MIPEP: variants seen among roughly 807,000 people sequenced by gnomAD.
The protein encoded by MIPEP is mitochondrial intermediate peptidase.
A neutral mutation model predicts 90.3 loss-of-function variants in MIPEP; 79 were observed. The ratio of observed to expected loss-of-function variants is 0.87; its 90% CI spans 0.73 to 1.05. MIPEP has a LOEUF of 1.05. MIPEP is among the 50% of genes least tolerant of loss of function. The pLI, the probability that MIPEP is intolerant of heterozygous loss-of-function variation, is 0.00. For synonymous variants in MIPEP, 334 were observed against 315.8 expected (o/e 1.06, Z -0.61); for missense variants, 940 against 905.6 (o/e 1.04, Z -0.49).
intron 16 of MIPEP, among the ~76,000 whole-genome samples, chr13:23,799,630 A>G (rs1953011191): frequency 6.6e-6 from 1 of 152,210 alleles, no homozygotes; most frequent in Non-Finnish European, 1.5e-5. Context: ...CCGGCCTAGG[A>G]TAATTTTTAA....
chr13:23,800,654 C>T (rs1480479059), intron 16 of MIPEP, among the ~76,000 whole-genome samples: 2 of 152,172 alleles, frequency 1.3e-5, no homozygotes, highest in Non-Finnish European at 2.9e-5. Context: ...CACTAGAAGG[C>T]TATTTATTGA....
At chr13:23,738,614 GTT>G (rs67929968) in intron 18 of MIPEP, among the ~76,000 whole-genome samples, 2 of 143,138 alleles carry the variant, frequency 1.4e-5, no homozygotes, top group Admixed American at 7.0e-5. Context: ...CGCCCAGCTA[GTT>G]TTTTTTTTTT....
intron 16 of MIPEP, among the ~76,000 whole-genome samples, chr13:23,804,260 G>C (rs548894260): frequency 1.4e-4 from 21 of 152,318 alleles, no homozygotes; most frequent in African/African-American, 4.8e-4. Context: ...CAGTCAAACT[G>C]AAGTTTTGTA....
At chr13:23,801,952 T>C (rs1253243538) in intron 16 of MIPEP, among the ~76,000 whole-genome samples, 1 of 152,142 alleles carries the variant, frequency 6.6e-6, no homozygotes, top group African/African-American at 2.4e-5. Context: ...GTAGAGAAAG[T>C]AAAACATTTT....
rs547105523 is a variant in MIPEP, at chr13:23,841,010, C to T, written c.1260+325G>A. Reference sequence around the variant, plus strand: ...CAATGGATTTGGGAATTAACCAAAACGGACACACAGCTATGAAGGTATATA... The same window carrying T: ...CAATGGATTTGGGAATTAACCAAAATGGACACACAGCTATGAAGGTATATA... On this transcript the variant is annotated intron_variant, in intron 11 of 18. Transcript: ENST00000382172. Among the ~76,000 whole-genome samples, 6 of 152,210 alleles carry T rather than the reference C, an allele frequency of 3.9e-5. 1 individual carries two copies. The highest frequency in any genetic ancestry group is 6.8e-3 in the Middle Eastern group (2 of 294).
intron 16 of MIPEP, among the ~76,000 whole-genome samples, chr13:23,790,965 C>T (rs1443178296): frequency 1.3e-5 from 2 of 152,040 alleles, no homozygotes; most frequent in Non-Finnish European, 2.9e-5. Flanking sequence ...AACTGGAACC[C>T]CTTCATAATA....
At chr13:23,775,359 A>G (rs1952703699) in intron 16 of MIPEP, among the ~76,000 whole-genome samples, 1 of 152,216 alleles carries the variant, frequency 6.6e-6, no homozygotes, top group African/African-American at 2.4e-5. Flanking sequence ...TCAGTCTTTC[A>G]CCCTGAGTAT....
In MIPEP at chr13:23,870,080, C is replaced by T. The variant is rs373751183; in HGVS notation, c.719G>A (p.Arg240His). 1.2e-5 allele frequency: 19 copies of T among 1,612,434 alleles called. No individual in the cohort carries two copies. The African/African-American group carries it at 1.6e-4, about 14-fold the overall frequency. The change falls in exon 6 of 19, where the codon CGT becomes CAT. Residue 240 changes from arginine (R) to histidine (H), a missense_variant. Transcript: ENST00000382172. ...EKHLLPEHIR[R>H]NFTSAGDHII... ...ATGATCCCCAGCAGATGTAAAGTTA[C>T]GACGAATGTGTTCTGGTAAGAGATG...
At chr13:23,763,571 G>T (rs1440727158) in intron 16 of MIPEP, among the ~76,000 whole-genome samples, 3 of 143,840 alleles carry the variant, frequency 2.1e-5, no homozygotes, top group East Asian at 4.1e-4. Flanking sequence ...TCTGAGCTAA[G>T]AAATGTCTTA....
At position 23,870,676 on chromosome 13, in the gene MIPEP, G is replaced by A. The variant is rs1223691966; in HGVS notation, c.604-481C>T. Among the ~76,000 whole-genome samples the A allele has an allele frequency of 2.6e-5, 4 of 152,100 alleles. No homozygotes were observed. The East Asian group carries it at 5.8e-4, about 22-fold the overall frequency. On this transcript the variant is annotated intron_variant, in intron 5 of 18. Coordinates refer to ENST00000382172, the MANE Select transcript of MIPEP (RefSeq NM_005932.4). ...AAAAATTAGCTGGGCGTGGTGGCAC[G>A]TGCCTATAATCTCAGCTACTCAAGA...
intron 10 of MIPEP, among the ~76,000 whole-genome samples, chr13:23,853,721 C>A (rs1475483273): frequency 6.6e-6 from 1 of 151,972 alleles, no homozygotes; most frequent in Non-Finnish European, 1.5e-5. Flanking sequence ...CCGCCATGCC[C>A]GGCTAATTTT....
chr13:23,848,332 T>C (rs1869637498), intron 10 of MIPEP, among the ~76,000 whole-genome samples: 1 of 152,156 alleles, frequency 6.6e-6, no homozygotes, highest in African/African-American at 2.4e-5. Flanking sequence ...CTACTCCTAT[T>C]CCAGTTCCCT....
At chr13:23,752,664 G>C (rs563815527) in intron 18 of MIPEP, among the ~76,000 whole-genome samples, 7 of 152,148 alleles carry the variant, frequency 4.6e-5, no homozygotes, top group Non-Finnish European at 8.8e-5. Flanking sequence ...GAGATGAACA[G>C]CAGAAAACCT....
Position 23,889,205 on chromosome 13 carries a change from C to A in MIPEP, c.116G>T (p.Ser39Ile), listed in dbSNP as rs764485546. The A allele has an allele frequency of 1.3e-5, 19 of 1,459,938 alleles. No individual in the cohort carries two copies. The South Asian group carries it at 1.9e-4, about 15-fold the overall frequency. 90.4% of individuals were successfully genotyped at this position (1,459,938 alleles called of 1,614,324 possible). A position where few individuals can be genotyped will look rare whatever the true frequency, so the allele number is the denominator to read the frequency against. Residue 39 changes from serine to isoleucine, a missense_variant, in exon 1 of 19, where the codon AGC becomes ATC. Ser to Ile is a moderately radical substitution (Grantham distance 142, BLOSUM62 -2). Transcript: ENST00000382172. ...AGIRARRVST[S>I]WSPVGAAFNV... ...GAAGGCGGCGCCCACGGGAGACCAG[C>A]TGGTGCTGACCCTTCGGGCCCGGAT... is the stretch of plus-strand genomic sequence containing the variant.
intron 16 of MIPEP, among the ~76,000 whole-genome samples, chr13:23,763,769 C>A (rs1952569568): frequency 6.6e-6 from 1 of 152,206 alleles, no homozygotes. Flanking sequence ...CACACACATG[C>A]CCCGTTGTGT....
At chr13:23,746,702 T>C (rs577284494) in intron 18 of MIPEP, among the ~76,000 whole-genome samples, 60 of 152,008 alleles carry the variant, frequency 3.9e-4, no homozygotes, top group African/African-American at 1.4e-3. Flanking sequence ...CAAAAACATC[T>C]TATGATGTTT....
intron 5 of MIPEP, among the ~76,000 whole-genome samples, 162 bp from the exon 6 acceptor site, chr13:23,870,357 AATAAT>A (rs763207348): frequency 3.4e-5 from 5 of 148,772 alleles, no homozygotes; most frequent in Admixed American, 6.6e-5. Context: ...CTATATTATA[AATAAT>A]ATATTAATTT....
intron 16 of MIPEP, among the ~76,000 whole-genome samples, chr13:23,794,194 C>T (rs573901752): frequency 1.3e-5 from 2 of 152,102 alleles, no homozygotes; most frequent in African/African-American, 2.4e-5. Context: ...TATGTTGAAC[C>T]GAGGTAATTC....
intron 2 of MIPEP, among the ~76,000 whole-genome samples, chr13:23,884,577 A>G (rs1871396733): frequency 6.6e-6 from 1 of 152,146 alleles, no homozygotes; most frequent in Non-Finnish European, 1.5e-5. Flanking sequence ...ACATCCCTTC[A>G]TCACCCAGTG....
Sources: allele counts gnomAD v4.1 joint callset (sites outside exome capture counted in the v4.1 genomes callset), GRCh38; gene constraint gnomAD v4.1.1; transcripts MANE v1.5; gene names NCBI Gene and HGNC (gene_info 2026-07-23, HGNC 2026-07-21).